Variants in CYP4F12 observed in about 807,000 individuals in gnomAD.
CYP4F12 encodes the protein cytochrome P450 family 4 subfamily F member 12.
In CYP4F12, 60 loss-of-function variants were observed where a neutral mutation model predicts 56.5. The observed-to-expected ratio is 1.06, with a 90% CI of 0.86 to 1.32. The LOEUF (loss-of-function observed/expected upper bound fraction) is 1.32, where lower values mean the gene tolerates loss of function less well. CYP4F12 is among the 40% of genes most tolerant of loss of function. The pLI, the probability that CYP4F12 is intolerant of heterozygous loss-of-function variation, is 0.00. For synonymous variants in CYP4F12, 263 were observed against 264.9 expected (o/e 0.99, Z 0.07); for missense variants, 711 against 683.5 (o/e 1.04, Z -0.45).
intron 3 of CYP4F12, among the ~76,000 whole-genome samples, chr19:15,679,175 G>A (rs1211527485): frequency 1.3e-5 from 2 of 152,194 alleles, no homozygotes; most frequent in Non-Finnish European, 2.9e-5. Flanking sequence ...CTCTGTGCAG[G>A]TCACCAGCTC....
In CYP4F12 at chr19:15,696,999, G is replaced by A. The variant is rs1186773755; in HGVS notation, c.1489G>A (p.Glu497Lys). 6.2e-7 allele frequency: 1 copy of A among 1,614,246 alleles called. No homozygotes were observed. The highest frequency in any genetic ancestry group is 1.7e-5 in the Admixed American group (1 of 60,034). ...CTTCCGGTTCCTGCCAGACCACACTGAGCCCCGCAGGAAGCTGGAATTGAT... is the reference window on the plus strand; with the variant it reads ...CTTCCGGTTCCTGCCAGACCACACTAAGCCCCGCAGGAAGCTGGAATTGAT... ...LHFRFLPDHT[E>K]PRRKLELIMR... is the part of the protein sequence containing the mutation. Residue 497 changes from glutamate to lysine, a missense_variant, in exon 13 of 13, where the codon GAG (glutamate) becomes AAG (lysine). Glu to Lys is a moderately conservative substitution (Grantham distance 56). Coordinates refer to ENST00000550308, the MANE Select transcript of CYP4F12 (RefSeq NM_023944.4).
chr19:15,695,129 T>G (rs1600012995), intron 9 of CYP4F12, among the ~76,000 whole-genome samples: 1 of 151,876 alleles, frequency 6.6e-6, no homozygotes, highest in Admixed American at 6.6e-5. Flanking sequence ...TAGACTGGAT[T>G]AAGAAAATGT....
chr19:15,673,760 CAG>C, intron 2 of CYP4F12, 33 bp downstream of exon 2: 3 of 1,610,078 alleles, frequency 1.9e-6, no homozygotes, highest in Non-Finnish European at 2.5e-6. Flanking sequence ...TCTGGGGTCT[CAG>C]GGTGGATGGA....
chr19:15,678,948 G>A (rs986219024), intron 3 of CYP4F12, among the ~76,000 whole-genome samples: 1 of 152,174 alleles, frequency 6.6e-6, no homozygotes. Flanking sequence ...ATCCACCTAT[G>A]ATGGGTCAGT....
intron 9 of CYP4F12, among the ~76,000 whole-genome samples, chr19:15,687,917 A>G (rs1454380924): frequency 6.6e-6 from 1 of 152,164 alleles, no homozygotes; most frequent in African/African-American, 2.4e-5. Context: ...CACAGGTTGA[A>G]CGAAATGCCC....
At chr19:15,676,024 G>T (rs1321425384) in intron 2 of CYP4F12, among the ~76,000 whole-genome samples, 1 of 152,164 alleles carries the variant, frequency 6.6e-6, no homozygotes, top group African/African-American at 2.4e-5. Flanking sequence ...TGTAAATTCA[G>T]CCTGAGTCCA....
intron 9 of CYP4F12, among the ~76,000 whole-genome samples, chr19:15,689,741 C>T (rs1289748327): frequency 1.3e-5 from 2 of 152,148 alleles, no homozygotes; most frequent in Non-Finnish European, 2.9e-5. Context: ...GAAAATGTGG[C>T]ATATATACAC....
rs375001752 is a variant in CYP4F12 at position 15,685,178 on chromosome 19, G to T, written c.1096G>T (p.Asp366Tyr). The T allele has an allele frequency of 3.7e-6, 6 of 1,614,100 alleles. 1 individual carries two copies. The South Asian group carries it at 6.6e-5, about 18-fold the overall frequency. Residue 366 changes from aspartate (D) to tyrosine (Y), a missense_variant, in exon 9 of 13, where the codon GAT becomes TAT. Asp to Tyr is a radical substitution (Grantham distance 160). Transcript: ENST00000550308. ...GGTGCAAGAGCTTCTGAAGGACCGC[G>T]ATCCTAAAGAGATTGAATGGTGAGT... The part of the protein sequence containing the change: ...QEVQELLKDR[D>Y]PKEIEWDDLA...
intron 10 of CYP4F12, 35 bp from the exon 11 acceptor site, chr19:15,696,126 G>T: frequency 1.2e-6 from 2 of 1,611,854 alleles, no homozygotes; most frequent in Non-Finnish European, 1.7e-6. Context: ...TCCCTCAGGG[G>T]ATCCTTGTCC....
rs1048162321 is a variant in CYP4F12 at position 15,693,626 on chromosome 19, C to T, written c.1116-2310C>T. ...TGAGTAGGTTGCGAAAATTTTCTCC[C>T]ATTTTGTACGTTGCCTGTTCACTCT... On this transcript the variant is annotated intron_variant, in intron 9 of 12. Coordinates refer to ENST00000550308, the MANE Select transcript of CYP4F12 (RefSeq NM_023944.4). Among the ~76,000 whole-genome samples, 7 of 149,306 alleles carry T rather than the reference C, an allele frequency of 4.7e-5. 1 individual carries two copies. The highest frequency in any genetic ancestry group is 3.4e-4 in the Admixed American group (5 of 14,908).
chr19:15,697,112 T>G lies in CYP4F12; in HGVS notation c.*27T>G. 2 of 1,599,184 alleles carry G rather than the reference T, an allele frequency of 1.3e-6. No individual in the cohort carries two copies. The highest frequency in any genetic ancestry group is 1.7e-4 in the Middle Eastern group (1 of 6,006). The stretch of plus-strand genomic sequence containing the variant: ...TTTCTGACCCATCCACCTGTTTTTT[T>G]GCAGATTGTCATGAATAAAACGGTG... On this transcript the variant is annotated 3_prime_UTR_variant, in exon 13 of 13. Transcript: ENST00000550308.
chr19:15,682,181 T>G (rs1205260239), intron 5 of CYP4F12: 1 of 530,106 alleles, frequency 1.9e-6, no homozygotes, highest in African/African-American at 1.9e-5. Context: ...GAGACTTGAA[T>G]GCAGGTCTCT....
chr19:15,687,729 C>T (rs1482678096), intron 9 of CYP4F12, among the ~76,000 whole-genome samples: 1 of 152,162 alleles, frequency 6.6e-6, no homozygotes, highest in Non-Finnish European at 1.5e-5. Flanking sequence ...AGGAGAAGGC[C>T]TTAACTCTAT....
intron 2 of CYP4F12, among the ~76,000 whole-genome samples, chr19:15,677,231 T>G (rs183490030): frequency 2.6e-5 from 3 of 114,656 alleles, no homozygotes; most frequent in African/African-American, 6.7e-5. Context: ...CTCTACCCAT[T>G]CACTCATTCC....
chr19:15,695,857 G>T (rs593898), intron 9 of CYP4F12, 79 bp from the exon 10 acceptor site: 376,657 of 1,525,054 alleles, frequency 0.25, 48,776 homozygotes, highest in African/African-American at 0.4. Context: ...GGGAGAAAAG[G>T]TCTCATTTGC....
rs748462012 is a variant in CYP4F12 at position 15,697,018 on chromosome 19, A to C, written c.1508A>C (p.Glu503Ala). The C allele has an allele frequency of 6.2e-7, 1 of 1,614,110 alleles. No individual in the cohort carries two copies. The highest frequency in any genetic ancestry group is 1.3e-5 in the African/African-American group (1 of 74,952). ...PDHTEPRRKL[E>A]LIMRAEGGLW... ...CACACTGAGCCCCGCAGGAAGCTGG[A>C]ATTGATCATGCGCGCCGAGGGCGGG... is the stretch of plus-strand genomic sequence containing the variant. The change falls in exon 13 of 13, where the codon GAA becomes GCA. Residue 503 changes from glutamate (E) to alanine (A), a missense_variant. Coordinates refer to ENST00000550308, the MANE Select transcript of CYP4F12 (RefSeq NM_023944.4).
intron 3 of CYP4F12, among the ~76,000 whole-genome samples, chr19:15,679,502 C>T (rs2007166623): frequency 6.6e-6 from 1 of 152,154 alleles, no homozygotes; most frequent in Admixed American, 6.5e-5. Flanking sequence ...AATATTATAC[C>T]TGGTTATATC....
At chr19:15,689,736 TG>T (rs2007788486) in intron 9 of CYP4F12, among the ~76,000 whole-genome samples, 1 of 152,080 alleles carries the variant, frequency 6.6e-6, no homozygotes, top group Non-Finnish European at 1.5e-5. Flanking sequence ...ATAAAGAAAA[TG>T]TGGCATATAT....
intron 9 of CYP4F12, among the ~76,000 whole-genome samples, chr19:15,695,500 T>TA (rs1310279719): frequency 4.6e-5 from 4 of 87,324 alleles, no homozygotes; most frequent in African/African-American, 2.6e-4. Context: ...AGTATAATAA[T>TA]AATAAAAAAA....
Sources: allele counts gnomAD v4.1 joint callset (sites outside exome capture counted in the v4.1 genomes callset), GRCh38; gene constraint gnomAD v4.1.1; transcripts MANE v1.5; gene names NCBI Gene and HGNC (gene_info 2026-07-23, HGNC 2026-07-21).